Variants in SPIRE1 observed in about 807,000 individuals in gnomAD.
SPIRE1 encodes spire type actin nucleation factor 1.
SPIRE1 carries 40 observed loss-of-function variants against 94.1 expected under a neutral mutation model. The observed-to-expected ratio is 0.43, with a 90% CI of 0.33 to 0.55. SPIRE1 has a LOEUF of 0.55. Among genes scored for constraint, SPIRE1 ranks in the 20% least tolerant of loss-of-function variants. SPIRE1 has a pLI of 0.06. For missense variants in SPIRE1, 838 were observed against 975.2 expected (o/e 0.86, Z 1.87); for synonymous variants, 376 against 371.7 (o/e 1.01, Z -0.13).
intron 2 of SPIRE1, among the ~76,000 whole-genome samples, chr18:12,601,386 G>A (rs2036830378): frequency 6.6e-6 from 1 of 151,960 alleles, no homozygotes; most frequent in Non-Finnish European, 1.5e-5. Context: ...TCACACCACT[G>A]CACTCCAGCC....
chr18:12,661,348 C>T (rs2038692701), upstream of SPIRE1: 1 of 984,046 alleles, frequency 1.0e-6, no homozygotes, highest in South Asian at 4.7e-5. Context: ...TACCGTCATC[C>T]ATCATCACAA....
At chr18:12,582,922 G>T (rs1448784539) in intron 2 of SPIRE1, among the ~76,000 whole-genome samples, 1 of 152,166 alleles carries the variant, frequency 6.6e-6, no homozygotes, top group African/African-American at 2.4e-5. Flanking sequence ...ATGGAACTTA[G>T]TACAAAGATC....
chr18:12,597,157 TACACACAC>T (rs58238813), intron 2 of SPIRE1, among the ~76,000 whole-genome samples: 2,929 of 144,178 alleles, frequency 0.02, 65 homozygotes, highest in East Asian at 0.067. Context: ...TGTCTCTTTC[TACACACAC>T]ACACACACAC....
intron 2 of SPIRE1, among the ~76,000 whole-genome samples, chr18:12,602,137 C>G (rs1238149807): frequency 6.6e-6 from 1 of 152,108 alleles, no homozygotes; most frequent in African/African-American, 2.4e-5. Context: ...TACACACACA[C>G]ATACACATAA....
rs995526884 is a variant in SPIRE1, at chr18:12,509,957, C to T, written c.807+2497G>A. Among the ~76,000 whole-genome samples the T allele has an allele frequency of 7.2e-5, 11 of 151,744 alleles. No individual in the cohort carries two copies. The East Asian group carries it at 7.7e-4, about 11-fold the overall frequency. ...AAAATTAGCTGGGTGTGGTGGTGCG[C>T]ACCTGTAATCCCAGCTACTCAGGAG... On this transcript the variant is annotated intron_variant, in intron 5 of 16. Transcript: ENST00000409402.
chr18:12,536,334 C>T (rs1162527055), intron 3 of SPIRE1, among the ~76,000 whole-genome samples: 1 of 152,080 alleles, frequency 6.6e-6, no homozygotes, highest in Non-Finnish European at 1.5e-5. Flanking sequence ...CTTCAATGTA[C>T]TGCTGAATTA....
At chr18:12,640,845 T>C (rs1398413225) in intron 1 of SPIRE1, among the ~76,000 whole-genome samples, 2 of 152,134 alleles carry the variant, frequency 1.3e-5, no homozygotes, top group Non-Finnish European at 2.9e-5. Context: ...GATAGTATGA[T>C]GAGTTCAGAT....
At chr18:12,629,793 G>A (rs2144789648) in intron 2 of SPIRE1, among the ~76,000 whole-genome samples, 1 of 152,048 alleles carries the variant, frequency 6.6e-6, no homozygotes, top group Admixed American at 6.5e-5. Flanking sequence ...AAAGTTATAG[G>A]GAAAAATTAA....
chr18:12,478,722 T>C (rs2032718285), intron 10 of SPIRE1, among the ~76,000 whole-genome samples: 1 of 152,018 alleles, frequency 6.6e-6, no homozygotes, highest in Non-Finnish European at 1.5e-5. Context: ...CCTAAGTTGA[T>C]TTTGAGGAAG....
At chr18:12,526,092 C>CACACACACAG (rs765621602) in intron 4 of SPIRE1, among the ~76,000 whole-genome samples, 125 of 149,084 alleles carry the variant, frequency 8.4e-4, no homozygotes, top group African/African-American at 2.6e-3. Flanking sequence ...CACACACACA[C>CACACACACAG]AGAGATGTAT....
intron 2 of SPIRE1, among the ~76,000 whole-genome samples, chr18:12,577,368 C>T (rs560685225): frequency 3.9e-5 from 6 of 152,114 alleles, no homozygotes; most frequent in Admixed American, 3.9e-4. Context: ...AGAATGGTCT[C>T]GATCTCTTGA....
At chr18:12,543,783 T>A (rs1383374624) in intron 3 of SPIRE1, among the ~76,000 whole-genome samples, 4 of 152,210 alleles carry the variant, frequency 2.6e-5, no homozygotes, top group Admixed American at 2.6e-4. Flanking sequence ...AAACTTAGTT[T>A]CACATTTCTA....
At chr18:12,563,587 T>G (rs1326663352) in intron 2 of SPIRE1, among the ~76,000 whole-genome samples, 1 of 152,206 alleles carries the variant, frequency 6.6e-6, no homozygotes, top group African/African-American at 2.4e-5. Flanking sequence ...AAAAACTTCA[T>G]CTATATAGTC....
At chr18:12,510,437 C>CA (rs1271629300) in intron 5 of SPIRE1, among the ~76,000 whole-genome samples, 1 of 151,944 alleles carries the variant, frequency 6.6e-6, no homozygotes, top group Non-Finnish European at 1.5e-5. Context: ...CTAATATGGT[C>CA]AAAAGCAACC....
At chr18:12,598,050 ACCAGAGGGCACAT>A (rs1042246054) in intron 2 of SPIRE1, among the ~76,000 whole-genome samples, 1 of 152,236 alleles carries the variant, frequency 6.6e-6, no homozygotes, top group Non-Finnish European at 1.5e-5. Flanking sequence ...TGAGTCACTA[ACCAGAGGGCACAT>A]AATCTTTGAC....
chr18:12,581,973 G>A (rs1424255102), intron 2 of SPIRE1, among the ~76,000 whole-genome samples: 1 of 152,142 alleles, frequency 6.6e-6, no homozygotes, highest in African/African-American at 2.4e-5. Context: ...ATTAACAACT[G>A]TCTGCAACCC....
At chr18:12,656,010 C>A (rs1178357464) in intron 1 of SPIRE1, among the ~76,000 whole-genome samples, 1 of 152,058 alleles carries the variant, frequency 6.6e-6, no homozygotes, top group Non-Finnish European at 1.5e-5. Flanking sequence ...GCAATTCTCC[C>A]ACCTCAGCCT....
chr18:12,458,394 G>A (rs919222589), intron 12 of SPIRE1, among the ~76,000 whole-genome samples: 3 of 151,612 alleles, frequency 2.0e-5, no homozygotes, highest in East Asian at 4.0e-4. Context: ...GGCGGATCAC[G>A]AGGTCAGGAG....
Position 12,518,052 on chromosome 18 carries a change from G to C in SPIRE1, c.730-5521C>G, listed in dbSNP as rs145641870. On this transcript the variant is annotated intron_variant, in intron 4 of 16. Coordinates refer to ENST00000409402, the MANE Select transcript of SPIRE1 (RefSeq NM_001128626.2). ...TGTTGAGACCGAGTCTCACTCTGTT[G>C]ACCAGGCTGGAGCAGTGGTGTGATC... Among the ~76,000 whole-genome samples the C allele has an allele frequency of 1.1e-3, 165 of 152,246 alleles. 4 individuals are homozygous for C. In the East Asian group the frequency reaches 0.028, roughly 26 times the overall value.
Sources: allele counts gnomAD v4.1 joint callset (sites outside exome capture counted in the v4.1 genomes callset), GRCh38; gene constraint gnomAD v4.1.1; transcripts MANE v1.5; gene names NCBI Gene and HGNC (gene_info 2026-07-23, HGNC 2026-07-21).